The following FARS2 variants were observed in gnomAD, a reference collection of about 807,000 sequenced individuals.
FARS2 encodes the protein phenylalanyl-tRNA synthetase 2, mitochondrial.
FARS2 carries 40 observed loss-of-function variants against 46.4 expected under a neutral mutation model. The observed-to-expected ratio is 0.86, with a 90% CI of 0.67 to 1.12. The LOEUF (loss-of-function observed/expected upper bound fraction) is 1.12. Among genes scored for constraint, FARS2 ranks in the 50% most tolerant of loss-of-function variants. The pLI is 0.00. For synonymous variants in FARS2, 234 were observed against 214.9 expected (o/e 1.09, Z -0.78); for missense variants, 513 against 567.9 (o/e 0.90, Z 0.98).
rs188495737 is a variant in FARS2, at chr6:5,294,122, C to G, written c.-22+32462C>G. ...AAAGAGGTATGTTTTATAGTTAATTCAGGAACAGGTGCCCTATTTGTGAAA... is the reference window on the plus strand; with the variant it reads ...AAAGAGGTATGTTTTATAGTTAATTGAGGAACAGGTGCCCTATTTGTGAAA... On this transcript the variant is annotated intron_variant, in intron 1 of 6. Transcript: ENST00000274680. Among the ~76,000 whole-genome samples the G allele has an allele frequency of 2.1e-3, 324 of 152,260 alleles. 12 individuals carry two copies. The South Asian group carries it at 0.062, about 29-fold the overall frequency.
At chr6:5,637,563 C>A (rs138668912) in intron 6 of FARS2, among the ~76,000 whole-genome samples, 1 of 152,166 alleles carries the variant, frequency 6.6e-6, no homozygotes, top group Admixed American at 6.5e-5. Flanking sequence ...TTGCTTCCAG[C>A]GTATTGATTT....
chr6:5,557,656 T>A (rs1178905270), intron 5 of FARS2, among the ~76,000 whole-genome samples: 1 of 152,154 alleles, frequency 6.6e-6, no homozygotes, highest in Non-Finnish European at 1.5e-5. Context: ...TATGAACAGA[T>A]GGTCACTTAT....
chr6:5,283,580 A>G (rs2127867149), intron 1 of FARS2, among the ~76,000 whole-genome samples: 1 of 152,062 alleles, frequency 6.6e-6, no homozygotes, highest in African/African-American at 2.4e-5. Flanking sequence ...GAAGGCATAA[A>G]TACATACAGG....
At chr6:5,593,101 C>T (rs1468033676) in intron 5 of FARS2, among the ~76,000 whole-genome samples, 2 of 152,184 alleles carry the variant, frequency 1.3e-5, no homozygotes, top group African/African-American at 2.4e-5. Context: ...CGACCAAAGC[C>T]GTCCTGAGCA....
chr6:5,543,699 A>G (rs1448079676), intron 4 of FARS2, among the ~76,000 whole-genome samples: 1 of 152,138 alleles, frequency 6.6e-6, no homozygotes, highest in Non-Finnish European at 1.5e-5. Flanking sequence ...AATGCAAGGT[A>G]GAAATGAGAA....
At chr6:5,679,879 A>G (rs991483475) in intron 6 of FARS2, among the ~76,000 whole-genome samples, 8 of 123,764 alleles carry the variant, frequency 6.5e-5, no homozygotes, top group South Asian at 2.4e-4. Flanking sequence ...CATTTCCTTC[A>G]TAACAACACC....
chr6:5,320,121 A>T (rs920168227), intron 1 of FARS2, among the ~76,000 whole-genome samples: 1 of 152,226 alleles, frequency 6.6e-6, no homozygotes, highest in African/African-American at 2.4e-5. Context: ...CGTGACTCTA[A>T]AAAGGAGAAG....
At chr6:5,546,522 T>G (rs192863914) in intron 5 of FARS2, among the ~76,000 whole-genome samples, 1 of 152,072 alleles carries the variant, frequency 6.6e-6, no homozygotes, top group East Asian at 1.9e-4. Flanking sequence ...AGTGCTGGGA[T>G]TACAGGAGTG....
intron 1 of FARS2, among the ~76,000 whole-genome samples, chr6:5,298,862 CAAAAAAAAAAA>C (rs771852149): frequency 0.022 from 1,652 of 74,786 alleles, 18 homozygotes; most frequent in South Asian, 0.11. Context: ...AACTCCATCT[CAAAAAAAAAAA>C]AAAAAAAAAA....
chr6:5,318,397 A>AAACC (rs1554162437), intron 1 of FARS2, among the ~76,000 whole-genome samples: 3,733 of 145,186 alleles, frequency 0.026, 77 homozygotes, highest in Middle Eastern at 0.046. Context: ...CAAAAAAAAA[A>AAACC]AAAAAAAAAA....
chr6:5,470,995 A>T (rs907554442), intron 4 of FARS2, among the ~76,000 whole-genome samples: 1 of 152,242 alleles, frequency 6.6e-6, no homozygotes, highest in Non-Finnish European at 1.5e-5. Context: ...CCAGTCTATT[A>T]TCTGGTTCTC....
chr6:5,412,288 A>G (rs1227291976), intron 3 of FARS2, among the ~76,000 whole-genome samples: 1 of 152,212 alleles, frequency 6.6e-6, no homozygotes, highest in Non-Finnish European at 1.5e-5. Flanking sequence ...CGAAGACTGA[A>G]TGTGGCAAGA....
At chr6:5,609,135 A>G (rs1323528590) in intron 5 of FARS2, 2 of 707,396 alleles carry the variant, frequency 2.8e-6, no homozygotes, top group Non-Finnish European at 5.1e-6. Flanking sequence ...CCCTGCCACC[A>G]CTGTGCTTGG....
intron 1 of FARS2, among the ~76,000 whole-genome samples, chr6:5,262,523 C>G (rs1765246311): frequency 6.6e-6 from 1 of 152,188 alleles, no homozygotes. Flanking sequence ...AGGCAATCCG[C>G]CCGCCTCGGC....
intron 4 of FARS2, among the ~76,000 whole-genome samples, chr6:5,480,086 T>A (rs775448164): frequency 6.6e-6 from 1 of 152,258 alleles, no homozygotes; most frequent in Non-Finnish European, 1.5e-5. Context: ...ACTGTCTGGT[T>A]CACGATTTTT....
At chr6:5,467,370 A>G (rs1193726549) in intron 4 of FARS2, among the ~76,000 whole-genome samples, 1 of 152,200 alleles carries the variant, frequency 6.6e-6, no homozygotes, top group African/African-American at 2.4e-5. Flanking sequence ...AAGGAGGTTC[A>G]TGATCATTGC....
chr6:5,620,451 A>G (rs994981125), intron 6 of FARS2, among the ~76,000 whole-genome samples: 1 of 152,216 alleles, frequency 6.6e-6, no homozygotes, highest in African/African-American at 2.4e-5. Flanking sequence ...AGGAACAGAG[A>G]GACCCACTTG....
At chr6:5,518,468 G>T (rs1768944113) in intron 4 of FARS2, among the ~76,000 whole-genome samples, 1 of 152,216 alleles carries the variant, frequency 6.6e-6, no homozygotes, top group Non-Finnish European at 1.5e-5. Context: ...AGAGAAATAT[G>T]TCTGGAAGTG....
intron 1 of FARS2, among the ~76,000 whole-genome samples, chr6:5,321,947 C>T (rs1770008330): frequency 6.6e-6 from 1 of 152,216 alleles, no homozygotes; most frequent in South Asian, 2.1e-4. Flanking sequence ...TTATGTCTTA[C>T]ATTATTTTCA....
Sources: allele counts gnomAD v4.1 joint callset (sites outside exome capture counted in the v4.1 genomes callset), GRCh38; gene constraint gnomAD v4.1.1; transcripts MANE v1.5; gene names NCBI Gene and HGNC (gene_info 2026-07-23, HGNC 2026-07-21).